The following TCAIM variants were observed in gnomAD, a reference collection of about 807,000 sequenced individuals.
TCAIM encodes T cell activation inhibitor, mitochondrial.
Under a neutral mutation model 58.6 loss-of-function variants are expected in TCAIM, and 36 were observed. That is an observed-to-expected ratio of 0.61 (90% CI 0.47 to 0.81). TCAIM has a LOEUF of 0.81. TCAIM is among the 30% of genes least tolerant of loss of function. TCAIM has a pLI of 0.00. For missense variants in TCAIM, 466 were observed against 579.6 expected, an observed-to-expected ratio of 0.80 and a Z score of 2.01; for synonymous variants, 172 against 193.6, an observed-to-expected ratio of 0.89 and a Z score of 0.93.
At chr3:44,399,867 T>A (rs544670764) in intron 8 of TCAIM, among the ~76,000 whole-genome samples, 1 of 152,228 alleles carries the variant, frequency 6.6e-6, no homozygotes, top group Non-Finnish European at 1.5e-5. Flanking sequence ...CAAACTCTTA[T>A]AATCTGTACA....
chr3:44,344,227 G>A (rs1170040381), intron 1 of TCAIM, among the ~76,000 whole-genome samples: 1 of 152,020 alleles, frequency 6.6e-6, no homozygotes, highest in African/African-American at 2.4e-5. Flanking sequence ...GGCCAGGCTG[G>A]TCTTGAACTC....
At chr3:44,353,567 T>A (rs1701135460) in intron 1 of TCAIM, among the ~76,000 whole-genome samples, 1 of 152,236 alleles carries the variant, frequency 6.6e-6, no homozygotes, top group Non-Finnish European at 1.5e-5. Flanking sequence ...TGAGAGTTGC[T>A]GTTGCCACAC....
chr3:44,405,029 C>T (rs1422471183), intron 10 of TCAIM, among the ~76,000 whole-genome samples: 1 of 152,038 alleles, frequency 6.6e-6, no homozygotes, highest in Non-Finnish European at 1.5e-5. Context: ...ACATGACCAT[C>T]CCAAAACTGT....
chr3:44,405,550 G>A (rs1301120588), intron 10 of TCAIM, among the ~76,000 whole-genome samples: 1 of 152,132 alleles, frequency 6.6e-6, no homozygotes. Flanking sequence ...GTTTGCACCT[G>A]TAGTCTCAGC....
At chr3:44,370,488 T>C (rs1701447973) in intron 5 of TCAIM, among the ~76,000 whole-genome samples, 1 of 149,940 alleles carries the variant, frequency 6.7e-6, no homozygotes, top group Non-Finnish European at 1.5e-5. Context: ...GTTTTAGAAA[T>C]TGAAGTCAGT....
At chr3:44,385,463 C>T (rs533915232) in intron 5 of TCAIM, among the ~76,000 whole-genome samples, 28 of 152,186 alleles carry the variant, frequency 1.8e-4, no homozygotes, top group South Asian at 4.2e-4. Flanking sequence ...TCTGAAAGGC[C>T]GGGCATGGTG....
At chr3:44,365,866 A>G (rs1469530970) in intron 4 of TCAIM, among the ~76,000 whole-genome samples, 4 of 152,220 alleles carry the variant, frequency 2.6e-5, no homozygotes, top group African/African-American at 9.6e-5. Flanking sequence ...GCTAGTAGCT[A>G]CCATCTTGGG....
chr3:44,362,626 T>TA, intron 4 of TCAIM: 1 of 386,738 alleles, frequency 2.6e-6, no homozygotes, highest in Non-Finnish European at 4.6e-6. Context: ...AGAGTTTTAT[T>TA]AAAAATAGCC....
At chr3:44,358,178 A>T (rs766027450) in intron 3 of TCAIM, 6 of 1,554,498 alleles carry the variant, frequency 3.9e-6, no homozygotes, top group South Asian at 2.4e-5. Context: ...TGAGACCTTT[A>T]TTATCATGAT....
chr3:44,343,828 C>T (rs535001826), intron 1 of TCAIM, among the ~76,000 whole-genome samples: 1 of 152,236 alleles, frequency 6.6e-6, no homozygotes, highest in Admixed American at 6.5e-5. Context: ...TATTTGGTAA[C>T]ATTTTATTTT....
At position 44,364,239 on chromosome 3, in the gene TCAIM, T is replaced by TA. The variant is rs77542917; in HGVS notation, c.319+2735dup. ...ACCGCACCTGGCTGAGACTGTCATT[T>TA]AAAAAAAAAAAAAATGTAAAAGGTT... is the stretch of plus-strand genomic sequence containing the variant. On this transcript the variant is annotated intron_variant, in intron 4 of 10. Transcript: ENST00000342649. Among the ~76,000 whole-genome samples, 182 of 141,572 alleles carry TA rather than the reference T, an allele frequency of 1.3e-3. 1 individual carries two copies. The highest frequency in any genetic ancestry group is 3.6e-3 in the Middle Eastern group (1 of 276). 92.9% of individuals were successfully genotyped at this position (141,572 alleles called of 152,430 possible).
At chr3:44,339,593 CAG>C (rs1251829447) in intron 1 of TCAIM, 4 of 152,116 alleles carry the variant, frequency 2.6e-5, no homozygotes, top group South Asian at 2.1e-4. Flanking sequence ...CTTTATGAAA[CAG>C]AAACTAATAT....
chr3:44,350,224 G>A (rs971405092), intron 1 of TCAIM, among the ~76,000 whole-genome samples: 6 of 152,116 alleles, frequency 3.9e-5, no homozygotes, highest in Non-Finnish European at 8.8e-5. Context: ...GGGCAGGGGC[G>A]AGGGTCACAA....
chr3:44,392,081 A>T (rs1318688220), intron 5 of TCAIM, among the ~76,000 whole-genome samples: 2 of 152,212 alleles, frequency 1.3e-5, no homozygotes, highest in Admixed American at 1.3e-4. Context: ...TTTTTAATTT[A>T]AAAAAATATT....
At chr3:44,407,346 C>G in intron 10 of TCAIM, 96 bp from the exon 11 acceptor site, 2 of 1,058,026 alleles carry the variant, frequency 1.9e-6, no homozygotes, top group Non-Finnish European at 2.6e-6. Flanking sequence ...ACAGTTAGGG[C>G]CCCAACATGT....
Position 44,400,588 on chromosome 3 carries a change from G to A in TCAIM, c.1118+1G>A, listed in dbSNP as rs748494569. ...GTGGTTTACAAATGATCCTTAACAG[G>A]TAAATATCTAAGATAGAAGGATTAC... On this transcript the variant is annotated splice_donor_variant, in intron 9 of 10. Transcript: ENST00000342649. LOFTEE classifies it high-confidence loss of function. 6.2e-7 allele frequency: 1 copy of A among 1,606,344 alleles called. No individual in the cohort carries two copies. The highest frequency in any genetic ancestry group is 1.1e-5 in the South Asian group (1 of 90,772).
At chr3:44,347,735 T>A (rs1700999045) in intron 1 of TCAIM, among the ~76,000 whole-genome samples, 1 of 152,184 alleles carries the variant, frequency 6.6e-6, no homozygotes. Context: ...GATAACAGGC[T>A]TTAATCCTTT....
chr3:44,401,774 T>C (rs1420210492), intron 10 of TCAIM, among the ~76,000 whole-genome samples: 1 of 152,234 alleles, frequency 6.6e-6, no homozygotes, highest in African/African-American at 2.4e-5. Context: ...CTCATGCCTG[T>C]AATCCCAGCA....
In TCAIM at chr3:44,409,091, C is replaced by A. The variant is rs767985946; in HGVS notation, c.*1409C>A. ...AGTAAAAGAGATGTTAAAATAAGTT[C>A]TTGAAGTATGTTTTATATTTATCTA... On this transcript the variant is annotated 3_prime_UTR_variant, in exon 11 of 11. Transcript: ENST00000342649. 3.9e-5 allele frequency: 6 copies of A among 152,122 alleles called. No individual in the cohort carries two copies. The highest frequency in any genetic ancestry group is 1.4e-4 in the African/African-American group (6 of 41,414). The allele number at this position is 152,122 out of a possible 1,614,324, so 9.4% of individuals were successfully genotyped here.
Sources: gnomAD v4.1 joint callset for allele counts (sites outside exome capture counted in the v4.1 genomes callset) on GRCh38, gnomAD v4.1.1 for gene constraint, MANE v1.5 for transcripts, NCBI Gene and HGNC (gene_info 2026-07-23, HGNC 2026-07-21) for gene names.